Variants in PPARGC1A observed in about 807,000 individuals in gnomAD.
PPARGC1A encodes PPARG coactivator 1 alpha.
In PPARGC1A, 25 loss-of-function variants were observed where a neutral mutation model predicts 88.7. That is an observed-to-expected ratio of 0.28 (90% CI 0.21 to 0.39). The LOEUF is 0.39. Ranked by LOEUF, PPARGC1A falls within the 10% of genes least tolerant of loss-of-function variation. The probability of loss-of-function intolerance (pLI) is 1.00; values close to 1 mark genes in which losing one functional copy is unlikely to be tolerated. For missense variants in PPARGC1A, 880 were observed against 968.7 expected, an observed-to-expected ratio of 0.91 and a Z score of 1.22; for synonymous variants, 363 against 355.6, an observed-to-expected ratio of 1.02 and a Z score of -0.24.
the PPARGC1A span, among the ~76,000 whole-genome samples, chr4:24,335,793 A>G: frequency 1.3e-5 from 2 of 152,106 alleles, no homozygotes; most frequent in Non-Finnish European, 2.9e-5. Context: ...GGGAGGAAAA[A>G]CTGGTCTTGC....
chr4:24,105,545 T>A, the PPARGC1A span, among the ~76,000 whole-genome samples: 1 of 152,222 alleles, frequency 6.6e-6, no homozygotes, highest in Non-Finnish European at 1.5e-5. Flanking sequence ...CTTGTTTCAA[T>A]GCAGACTCTG....
chr4:24,290,582 G>A, the PPARGC1A span, among the ~76,000 whole-genome samples: 1 of 152,176 alleles, frequency 6.6e-6, no homozygotes, highest in Non-Finnish European at 1.5e-5. Context: ...AAGTCAATGT[G>A]ACTGACCATC....
intron 3 of PPARGC1A, among the ~76,000 whole-genome samples, chr4:23,831,208 T>A (rs1446935063): frequency 1.3e-5 from 2 of 152,332 alleles, no homozygotes; most frequent in East Asian, 3.9e-4. Flanking sequence ...CAATCATTTT[T>A]ATATGAGAGG....
the PPARGC1A span, among the ~76,000 whole-genome samples, chr4:24,015,198 A>T: frequency 6.6e-6 from 1 of 152,172 alleles, no homozygotes; most frequent in South Asian, 2.1e-4. Context: ...AGAGACACAT[A>T]CACATATATT....
chr4:23,967,164 C>A, the PPARGC1A span, among the ~76,000 whole-genome samples: 1 of 152,024 alleles, frequency 6.6e-6, no homozygotes, highest in African/African-American at 2.4e-5. Context: ...TATCATTACC[C>A]ACATCGATAC....
chr4:23,903,176 T>G (rs1719619034), upstream of PPARGC1A, among the ~76,000 whole-genome samples: 1 of 152,176 alleles, frequency 6.6e-6, no homozygotes, highest in Non-Finnish European at 1.5e-5. Flanking sequence ...ACTCTATTTT[T>G]AGGACTTGAG....
the PPARGC1A span, among the ~76,000 whole-genome samples, chr4:24,371,806 G>A: frequency 4.6e-5 from 7 of 151,560 alleles, no homozygotes; most frequent in Non-Finnish European, 8.8e-5. Context: ...AAAAAATTGG[G>A]CAGGCATGGT....
the PPARGC1A span, among the ~76,000 whole-genome samples, chr4:24,112,220 A>C: frequency 6.6e-6 from 1 of 152,204 alleles, no homozygotes; most frequent in Non-Finnish European, 1.5e-5. Context: ...AATGTAAGAC[A>C]GTAGGGAATG....
chr4:23,982,364 G>A, the PPARGC1A span, among the ~76,000 whole-genome samples: 2 of 152,154 alleles, frequency 1.3e-5, no homozygotes, highest in Non-Finnish European at 2.9e-5. Flanking sequence ...TCCAGAGCCT[G>A]CCATCATGGT....
At chr4:24,169,626 T>A in the PPARGC1A span, among the ~76,000 whole-genome samples, 1 of 152,064 alleles carries the variant, frequency 6.6e-6, no homozygotes, top group Non-Finnish European at 1.5e-5. Flanking sequence ...TCCCAGCACT[T>A]TGGGATGCCG....
the PPARGC1A span, among the ~76,000 whole-genome samples, chr4:24,379,410 T>C: frequency 2.0e-5 from 3 of 152,102 alleles, no homozygotes; most frequent in African/African-American, 7.2e-5. Context: ...GCATTGTATA[T>C]TTCAAAGTAG....
At chr4:23,961,062 A>C in the PPARGC1A span, among the ~76,000 whole-genome samples, 1 of 152,130 alleles carries the variant, frequency 6.6e-6, no homozygotes, top group African/African-American at 2.4e-5. Flanking sequence ...TGCGTGTGTA[A>C]TTTTTCTAGA....
chr4:24,237,649 C>CCT, the PPARGC1A span, among the ~76,000 whole-genome samples: 45 of 152,260 alleles, frequency 3.0e-4, no homozygotes, highest in African/African-American at 1.0e-3. Context: ...CCTCTTTTCT[C>CCT]CTCTCTCTCT....
the PPARGC1A span, among the ~76,000 whole-genome samples, chr4:24,053,854 G>C: frequency 1.3e-5 from 2 of 152,242 alleles, no homozygotes; most frequent in South Asian, 4.2e-4. Flanking sequence ...ATATTATCCT[G>C]TGCTAGGTAC....
chr4:24,097,787 A>C, the PPARGC1A span, among the ~76,000 whole-genome samples: 1 of 152,190 alleles, frequency 6.6e-6, no homozygotes, highest in South Asian at 2.1e-4. Context: ...GCTGCCCTGG[A>C]ACAGTGATGC....
intron 7 of PPARGC1A, among the ~76,000 whole-genome samples, chr4:23,817,477 G>A (rs1233632312): frequency 1.2e-4 from 19 of 152,046 alleles, no homozygotes; most frequent in Admixed American, 1.2e-3. Flanking sequence ...CTTCACAATC[G>A]ATTTTAATAG....
chr4:23,837,134 T>C (rs1726163580), intron 2 of PPARGC1A, among the ~76,000 whole-genome samples: 1 of 152,210 alleles, frequency 6.6e-6, no homozygotes, highest in Admixed American at 6.5e-5. Context: ...TTCATTATCT[T>C]GGCTCTCTTA....
At chr4:24,011,270 G>A in the PPARGC1A span, among the ~76,000 whole-genome samples, 2 of 152,012 alleles carry the variant, frequency 1.3e-5, no homozygotes, top group African/African-American at 4.8e-5. Context: ...CCTGCGTATG[G>A]ACTTCACCAT....
At chr4:24,336,825 G>A in the PPARGC1A span, among the ~76,000 whole-genome samples, 1 of 152,142 alleles carries the variant, frequency 6.6e-6, no homozygotes, top group African/African-American at 2.4e-5. Context: ...CTACTTGGGA[G>A]GCTAAGGAAG....
Sources: gnomAD v4.1 joint callset for allele counts (sites outside exome capture counted in the v4.1 genomes callset) on GRCh38, gnomAD v4.1.1 for gene constraint, MANE v1.5 for transcripts, NCBI Gene and HGNC (gene_info 2026-07-23, HGNC 2026-07-21) for gene names.